PLXDC2: variants seen among roughly 807,000 people sequenced by gnomAD.
PLXDC2 encodes the protein plexin domain-containing protein 2.
Under a neutral mutation model 68.9 loss-of-function variants are expected in PLXDC2, and 40 were observed. The observed-to-expected ratio is 0.58, with a 90% CI of 0.45 to 0.76. PLXDC2 has a LOEUF of 0.76. Among genes scored for constraint, PLXDC2 ranks in the 30% least tolerant of loss-of-function variants. PLXDC2 has a pLI of 0.00. For synonymous variants in PLXDC2, 243 were observed against 234.2 expected, an observed-to-expected ratio of 1.04 and a Z score of -0.34; for missense variants, 644 against 661.9, an observed-to-expected ratio of 0.97 and a Z score of 0.30.
At chr10:20,152,299 A>G (rs1444342399) in intron 6 of PLXDC2, among the ~76,000 whole-genome samples, 3 of 152,138 alleles carry the variant, frequency 2.0e-5, no homozygotes, top group Non-Finnish European at 2.9e-5. Context: ...TGCTCATAAT[A>G]TTCAGTGTTT....
chr10:20,238,662 A>AAAATATATAT (rs1175526348), intron 12 of PLXDC2, among the ~76,000 whole-genome samples: 3 of 31,722 alleles, frequency 9.5e-5, no homozygotes, highest in Non-Finnish European at 2.3e-4. Context: ...TCTCAAAAAA[A>AAAATATATAT]ATATATATAT....
Position 20,151,890 on chromosome 10 carries a change from T to C in PLXDC2, c.783+3988T>C, listed in dbSNP as rs188189777. 1.3e-3 allele frequency among the ~76,000 whole-genome samples: 198 copies of C among 152,254 alleles called. 2 individuals are homozygous for C. Among genetic ancestry groups the C allele is most frequent in the African/African-American group, 4.0e-3 (167 of 41,590 alleles). On this transcript the variant is annotated intron_variant, in intron 6 of 13. Transcript: ENST00000377252. ...ACACCAGCTTTGTTTTGTTTCATTA[T>C]GTTTTATGTGAATGAGAAGAAAAAT...
intron 9 of PLXDC2, among the ~76,000 whole-genome samples, chr10:20,185,063 C>T (rs1223035958): frequency 6.8e-6 from 1 of 147,466 alleles, no homozygotes; most frequent in Non-Finnish European, 1.5e-5. Flanking sequence ...GGCTTAAAAC[C>T]TAGATGGCAG....
At chr10:19,860,001 A>G (rs2481942) in intron 1 of PLXDC2, among the ~76,000 whole-genome samples, 19,487 of 152,156 alleles carry the variant, frequency 0.13, 1,419 homozygotes, top group Admixed American at 0.19. Flanking sequence ...AAGTGCTGGG[A>G]TTACAGACGT....
chr10:20,235,075 A>G (rs778857496), intron 12 of PLXDC2, among the ~76,000 whole-genome samples: 10 of 152,186 alleles, frequency 6.6e-5, no homozygotes, highest in Non-Finnish European at 1.5e-4. Flanking sequence ...TTGTTTTTCA[A>G]ATAGTGGCTG....
At chr10:20,182,811 G>A (rs536171789) in intron 9 of PLXDC2, among the ~76,000 whole-genome samples, 15 of 151,784 alleles carry the variant, frequency 9.9e-5, no homozygotes, top group Non-Finnish European at 2.1e-4. Context: ...AGCCCTGCAT[G>A]CATTACATAT....
intron 6 of PLXDC2, among the ~76,000 whole-genome samples, chr10:20,155,194 A>G (rs1834201987): frequency 6.6e-6 from 1 of 152,172 alleles, no homozygotes; most frequent in South Asian, 2.1e-4. Context: ...TTCTTTGAAG[A>G]TTATTTCTCT....
chr10:20,131,933 T>C (rs1833873060), intron 4 of PLXDC2, among the ~76,000 whole-genome samples: 1 of 151,978 alleles, frequency 6.6e-6, no homozygotes, highest in Non-Finnish European at 1.5e-5. Flanking sequence ...AGGTGTCATA[T>C]TAGGTTGCTT....
intron 1 of PLXDC2, among the ~76,000 whole-genome samples, chr10:19,895,794 C>T (rs1838046941): frequency 6.6e-6 from 1 of 152,096 alleles, no homozygotes; most frequent in African/African-American, 2.4e-5. Flanking sequence ...GTGGCTCGTG[C>T]CTGTAATCCC....
chr10:19,839,186 CAA>C (rs3043806), intron 1 of PLXDC2, among the ~76,000 whole-genome samples: 195 of 100,940 alleles, frequency 1.9e-3, no homozygotes, highest in East Asian at 3.4e-3. Context: ...AACTCAGTCT[CAA>C]AAAAAAAAAA....
intron 10 of PLXDC2, among the ~76,000 whole-genome samples, chr10:20,214,716 CT>C (rs1835113239): frequency 6.6e-6 from 1 of 152,090 alleles, no homozygotes; most frequent in Admixed American, 6.6e-5. Flanking sequence ...TATAGGAGGG[CT>C]ATTTAGTTCC....
At chr10:20,194,354 A>G (rs971234692) in intron 9 of PLXDC2, among the ~76,000 whole-genome samples, 2 of 151,950 alleles carry the variant, frequency 1.3e-5, no homozygotes, top group African/African-American at 2.4e-5. Context: ...ACTGGGAATA[A>G]TCATCCTTAA....
chr10:20,267,886 G>T (rs1373490166), intron 13 of PLXDC2, among the ~76,000 whole-genome samples: 1 of 150,620 alleles, frequency 6.6e-6, no homozygotes, highest in Non-Finnish European at 1.5e-5. Flanking sequence ...ATTACTTCCA[G>T]AGCTATCATC....
At chr10:20,182,108 G>T (rs1834614079) in intron 9 of PLXDC2, among the ~76,000 whole-genome samples, 1 of 117,694 alleles carries the variant, frequency 8.5e-6, no homozygotes, top group African/African-American at 4.0e-5. Flanking sequence ...TGTGAATGAA[G>T]TTTATTGAAG....
chr10:19,879,727 G>C (rs1011185622), intron 1 of PLXDC2, among the ~76,000 whole-genome samples: 3 of 152,108 alleles, frequency 2.0e-5, no homozygotes, highest in Admixed American at 2.0e-4. Context: ...AACTGTGAAG[G>C]AAGTAAAGAT....
intron 12 of PLXDC2, among the ~76,000 whole-genome samples, chr10:20,237,271 G>A (rs1334625688): frequency 1.3e-5 from 2 of 152,016 alleles, no homozygotes; most frequent in Admixed American, 1.3e-4. Flanking sequence ...TAGCTAATGT[G>A]AATTAGGTAC....
chr10:20,265,400 A>G (rs921055222), intron 13 of PLXDC2, among the ~76,000 whole-genome samples: 2 of 152,186 alleles, frequency 1.3e-5, no homozygotes, highest in African/African-American at 2.4e-5. Flanking sequence ...TGTAACACAC[A>G]TCTCATATTT....
chr10:19,917,698 T>C (rs1333556949), intron 1 of PLXDC2, among the ~76,000 whole-genome samples: 2 of 152,354 alleles, frequency 1.3e-5, no homozygotes, highest in East Asian at 3.9e-4. Context: ...CTTAGAGACC[T>C]TTAATTCTCC....
At chr10:19,960,774 A>G (rs1298116172) in intron 1 of PLXDC2, among the ~76,000 whole-genome samples, 1 of 152,216 alleles carries the variant, frequency 6.6e-6, no homozygotes. Context: ...AACATTTCAT[A>G]TTAAAACATG....
Sources: allele counts gnomAD v4.1 joint callset (sites outside exome capture counted in the v4.1 genomes callset), GRCh38; gene constraint gnomAD v4.1.1; transcripts MANE v1.5; gene names NCBI Gene and HGNC (gene_info 2026-07-23, HGNC 2026-07-21).